ABCC10: variants seen among roughly 807,000 people sequenced by gnomAD.
The protein encoded by ABCC10 is ATP-binding cassette sub-family C member 10.
A neutral mutation model predicts 143.2 loss-of-function variants in ABCC10; 110 were observed. The observed-to-expected ratio is 0.77, with a 90% CI of 0.66 to 0.90. The LOEUF (loss-of-function observed/expected upper bound fraction) is 0.90, where lower values mean the gene tolerates loss of function less well. Among genes scored for constraint, ABCC10 ranks in the 40% least tolerant of loss-of-function variants. The pLI is 0.00. For missense variants in ABCC10, 1,700 were observed against 1,900.5 expected (o/e 0.89, Z 1.96); for synonymous variants, 805 against 846.7 (o/e 0.95, Z 0.85).
In ABCC10 at chr6:43,432,551, G is replaced by T; in HGVS notation, c.571G>T (p.Ala191Ser). Residue 191 changes from alanine (A) to serine (S), a missense_variant, in exon 3 of 22, where the codon GCT becomes TCT. Physicochemically the swap from Ala to Ser is moderately conservative, Grantham distance 99. Transcript: ENST00000372530. Reference protein sequence around the residue: ...ALLAYALGWAAPGGPREPWAQ... With the variant: ...ALLAYALGWASPGGPREPWAQ... ...CTTGGCCTATGCACTGGGATGGGCA[G>T]CTCCTGGGGGACCACGAGAACCCTG... The T allele has an allele frequency of 6.2e-7, 1 of 1,613,152 alleles. No homozygotes were observed.
Position 43,432,391 on chromosome 6 carries a change from C to T in ABCC10, c.411C>T (p.Ala137=), listed in dbSNP as rs758345387. The part of the protein sequence containing the change: ...HGHSRGPLAL[A]LVALLPAPAL... ...ACTCCCGGGGTCCCTTGGCCTTGGCCCTGGTAGCCTTGCTGCCAGCTCCAG... is the reference window on the plus strand; with the variant it reads ...ACTCCCGGGGTCCCTTGGCCTTGGCTCTGGTAGCCTTGCTGCCAGCTCCAG... The change falls in exon 3 of 22, where the codon GCC becomes GCT. Residue 137 remains alanine (A), a synonymous_variant. Coordinates refer to ENST00000372530, the MANE Select transcript of ABCC10 (RefSeq NM_001198934.2). 7 of 1,612,446 alleles carry T rather than the reference C, an allele frequency of 4.3e-6. No homozygotes were observed. In the East Asian group the frequency reaches 1.6e-4, roughly 36 times the overall value.
In ABCC10 at chr6:43,447,823, C is replaced by T; in HGVS notation, c.3845C>T (p.Thr1282Ile). Residue 1282 changes from threonine (T) to isoleucine (I), a missense_variant, in exon 18 of 22, where the codon ACA becomes ATA. Physicochemically the swap from Thr to Ile is moderately conservative, Grantham distance 89. Transcript: ENST00000372530. The part of the protein sequence containing the change: ...PGEKLGIVGR[T>I]GSGKSSLLLV... ...GAGAAGTTGGGCATCGTGGGCCGCA[C>T]AGGCTCCGGCAAGTCTTCCCTGTTG... The T allele has an allele frequency of 1.2e-6, 2 of 1,613,716 alleles. No individual in the cohort carries two copies. The highest frequency in any genetic ancestry group is 1.7e-6 in the Non-Finnish European group (2 of 1,180,030).
At chr6:43,448,203 C>G in intron 18 of ABCC10, 1 of 587,912 alleles carries the variant, frequency 1.7e-6, no homozygotes. Flanking sequence ...CATACACCCT[C>G]CACTCTTGTG....
At chr6:43,433,549 C>T (rs1220727362) in intron 3 of ABCC10, among the ~76,000 whole-genome samples, 189 bp downstream of exon 3, 3 of 152,228 alleles carry the variant, frequency 2.0e-5, no homozygotes, top group African/African-American at 7.2e-5. Flanking sequence ...AGACAAGTCA[C>T]TTAACCTATT....
At chr6:43,429,459 G>A (rs1314189130) in intron 2 of ABCC10, among the ~76,000 whole-genome samples, 1 of 146,822 alleles carries the variant, frequency 6.8e-6, no homozygotes, top group Non-Finnish European at 1.5e-5. Flanking sequence ...TTGAGGCAGC[G>A]TCTCCCTCTG....
At position 43,434,823 on chromosome 6, in the gene ABCC10, T is replaced by C. The variant is rs200663342; in HGVS notation, c.1583T>C (p.Met528Thr). ...GTTATCTTCATCACCTATGTCCTCA[T>C]GGGGCACCAGCTCACTGCCACCAAG... Reference protein sequence around the residue: ...SIVIFITYVLMGHQLTATKVF... With the variant: ...SIVIFITYVLTGHQLTATKVF... Residue 528 changes from methionine (M) to threonine (T), a missense_variant, in exon 4 of 22, where the codon ATG becomes ACG. Met to Thr is a moderately conservative substitution (Grantham distance 81, BLOSUM62 -1). Coordinates refer to ENST00000372530, the MANE Select transcript of ABCC10 (RefSeq NM_001198934.2). 3.3e-5 allele frequency: 53 copies of C among 1,613,928 alleles called. No individual in the cohort carries two copies. The Admixed American group carries it at 4.0e-4, about 12-fold the overall frequency.
intron 9 of ABCC10, 79 bp downstream of exon 9, chr6:43,442,039 A>C: frequency 1.6e-6 from 2 of 1,279,830 alleles, no homozygotes; most frequent in Non-Finnish European, 1.1e-6. Flanking sequence ...AGTTAGGAGG[A>C]TAGGAATATT....
intron 7 of ABCC10, 88 bp downstream of exon 7, chr6:43,438,101 CA>C: frequency 7.1e-7 from 1 of 1,413,494 alleles, no homozygotes; most frequent in South Asian, 1.2e-5. Flanking sequence ...TTTTGGGGGT[CA>C]GGGGTACTAA....
At chr6:43,450,814 C>T (rs780137665), downstream of ABCC10, 3 of 1,614,118 alleles carry the variant, frequency 1.9e-6, no homozygotes, top group Admixed American at 5.0e-5. The surrounding 1 kb of genome is among the most constrained non-coding windows in gnomAD (Gnocchi z 4.5). Context: ...CGCACCACCT[C>T]CTTCACTGAG....
chr6:43,450,698 G>C, downstream of ABCC10: 2 of 1,614,044 alleles, frequency 1.2e-6, no homozygotes, highest in Non-Finnish European at 1.7e-6. This position sits in a 1 kb window ranked among gnomAD's most constrained non-coding sequence, Gnocchi z 4.5. Context: ...CCCGGCGCCA[G>C]GCCCTCAGGG....
intron 15 of ABCC10, 104 bp downstream of exon 15, chr6:43,446,046 G>A (rs1049742297): frequency 2.3e-6 from 3 of 1,325,284 alleles, no homozygotes; most frequent in Non-Finnish European, 3.1e-6. Flanking sequence ...GCCCTCCTGG[G>A]GACAAGGGAT....
Position 43,443,180 on chromosome 6 carries a change from G to T in ABCC10, c.2416+21G>T. 1 of 1,564,616 alleles carries T rather than the reference G, an allele frequency of 6.4e-7. No homozygotes were observed. On this transcript the variant is annotated intron_variant, in intron 10 of 21. Transcript: ENST00000372530. The surrounding 1 kb of genome is among the most constrained non-coding windows in gnomAD (Gnocchi z 4.2). Reference sequence around the variant, plus strand: ...GGCTGGTAATGGGGGCAGGAGCCCCGTGTGAGGGAGGTGTCTGCCCAGGTC... The same window carrying T: ...GGCTGGTAATGGGGGCAGGAGCCCCTTGTGAGGGAGGTGTCTGCCCAGGTC...
intron 8 of ABCC10, among the ~76,000 whole-genome samples, chr6:43,441,466 C>T (rs1782462592): frequency 6.6e-6 from 1 of 151,212 alleles, no homozygotes; most frequent in Admixed American, 6.6e-5. Context: ...CAGAGCGAGA[C>T]TCCGTCTCAA....
In ABCC10 at chr6:43,444,859, G is replaced by C. The variant is rs1782861903; in HGVS notation, c.2761G>C (p.Glu921Gln). The change falls in exon 13 of 22, where the codon GAG becomes CAG. Residue 921 changes from glutamate (E) to glutamine (Q), a missense_variant. Glu to Gln is a conservative substitution (Grantham distance 29, BLOSUM62 2). Transcript: ENST00000372530. The part of the protein sequence containing the change: ...SQLKAENSSQ[E>Q]AQPSTSPASM... The stretch of plus-strand genomic sequence containing the variant: ...GCTGAAGGCTGAGAATAGCTCCCAG[G>C]AGGCGCAACCCTCCACCAGCCCAGC... 1 of 1,613,900 alleles carries C rather than the reference G, an allele frequency of 6.2e-7. No individual in the cohort carries two copies. Among genetic ancestry groups the C allele is most frequent in the African/African-American group, 1.3e-5 (1 of 74,920 alleles).
rs1162063347 is a variant in ABCC10 at position 43,435,769 on chromosome 6, C to G, written c.1627C>G (p.Leu543Val). The change falls in exon 5 of 22, where the codon CTG becomes GTG. Residue 543 changes from leucine (L) to valine (V), a missense_variant. Leu to Val is a conservative substitution (Grantham distance 32). Coordinates refer to ENST00000372530, the MANE Select transcript of ABCC10 (RefSeq NM_001198934.2). The stretch of plus-strand genomic sequence containing the variant: ...CACTCAGGTGTTCACGGCCCTGGCA[C>G]TGGTGCGAATGCTCATTCTTCCTCT... ...TATKVFTALALVRMLILPLNN... is the reference protein window; with the variant it reads ...TATKVFTALAVVRMLILPLNN... The G allele has an allele frequency of 6.2e-7, 1 of 1,614,206 alleles. No homozygotes were observed. Among genetic ancestry groups the G allele is most frequent in the Admixed American group, 1.7e-5 (1 of 60,032 alleles).
chr6:43,428,043 G>A lies in ABCC10; in HGVS notation c.65G>A (p.Gly22Glu), dbSNP rs747339491. The A allele has an allele frequency of 3.7e-6, 6 of 1,602,000 alleles. No individual in the cohort carries two copies. Among genetic ancestry groups the A allele is most frequent in the Admixed American group, 3.4e-5 (2 of 58,126 alleles). Residue 22 changes from glycine (G) to glutamate (E), a missense_variant, in exon 2 of 22, where the codon GGG becomes GAG. Coordinates refer to ENST00000372530, the MANE Select transcript of ABCC10 (RefSeq NM_001198934.2). ...GCGTGGCCGCTCCCGCTGTGGGAGG[G>A]GGACACCACAGGCCACTGCTTCACC... ...SAAWPLPLWEGDTTGHCFTQL... is the reference protein window; with the variant it reads ...SAAWPLPLWEEDTTGHCFTQL...
In ABCC10 at chr6:43,432,777, A is replaced by G; in HGVS notation, c.797A>G (p.His266Arg). 1 of 1,614,154 alleles carries G rather than the reference A, an allele frequency of 6.2e-7. No homozygotes were observed. Among genetic ancestry groups the G allele is most frequent in the South Asian group, 1.1e-5 (1 of 91,086 alleles). ...TACCTGGCTCGTGTCTTCCAGGCACACTGGCAGGAGGGGGCACGGCTGTGG... is the reference window on the plus strand; with the variant it reads ...TACCTGGCTCGTGTCTTCCAGGCACGCTGGCAGGAGGGGGCACGGCTGTGG... ...PTYLARVFQA[H>R]WQEGARLWRA... is the part of the protein sequence containing the mutation. Residue 266 changes from histidine (H) to arginine (R), a missense_variant, in exon 3 of 22, where the codon CAC becomes CGC. Transcript: ENST00000372530.
rs1290326695 is a variant in ABCC10 at position 43,449,172 on chromosome 6, T to C, written c.4171T>C (p.Cys1391Arg). 3 of 1,613,896 alleles carry C rather than the reference T, an allele frequency of 1.9e-6. No individual in the cohort carries two copies. The highest frequency in any genetic ancestry group is 2.5e-6 in the Non-Finnish European group (3 of 1,179,946). ...ATCTCTTGGGCAGAGGCAGCTGTTG[T>C]GTTTGGCCAGGGCTCTCCTCACAGA... The part of the protein sequence containing the change: ...SLSLGQRQLL[C>R]LARALLTDAK... The change falls in exon 20 of 22, where the codon TGT becomes CGT. Residue 1391 changes from cysteine to arginine, a missense_variant. By Grantham distance (180) the Cys-to-Arg change is radical. Transcript: ENST00000372530.
At position 43,446,386 on chromosome 6, in the gene ABCC10, G is replaced by A. The variant is rs763117390; in HGVS notation, c.3484G>A (p.Val1162Met). ...DIRLQLMGAA[V>M]VSAIAGIALV... Reference sequence around the variant, plus strand: ...TCGGCTACAGCTCATGGGGGCGGCAGTGGTCAGCGCTATCGCAGGCATCGC... The same window carrying A: ...TCGGCTACAGCTCATGGGGGCGGCAATGGTCAGCGCTATCGCAGGCATCGC... The change falls in exon 16 of 22, where the codon GTG becomes ATG. Residue 1162 changes from valine (V) to methionine (M), a missense_variant. By Grantham distance (21) the Val-to-Met change is conservative. Transcript: ENST00000372530. 1 of 1,613,382 alleles carries A rather than the reference G, an allele frequency of 6.2e-7. No homozygotes were observed. The highest frequency in any genetic ancestry group is 8.5e-7 in the Non-Finnish European group (1 of 1,179,940).
Sources: gnomAD v4.1 joint callset for allele counts (sites outside exome capture counted in the v4.1 genomes callset) on GRCh38, gnomAD v4.1.1 for gene constraint, Gnocchi (gnomAD v3.1) non-coding constraint, MANE v1.5 for transcripts, NCBI Gene and HGNC (gene_info 2026-07-23, HGNC 2026-07-21) for gene names.